The following AFG1L variants were observed in gnomAD, a reference collection of about 807,000 sequenced individuals.
AFG1L encodes the protein AFG1-like ATPase.
A neutral mutation model predicts 62.2 loss-of-function variants in AFG1L; 53 were observed. The observed-to-expected ratio is 0.85, with a 90% CI of 0.68 to 1.07. The LOEUF (loss-of-function observed/expected upper bound fraction) is 1.07. AFG1L is among the 50% of genes least tolerant of loss of function. The pLI is 0.00. For missense variants in AFG1L, 555 were observed against 590.5 expected, an observed-to-expected ratio of 0.94 and a Z score of 0.62; for synonymous variants, 228 against 210.3, an observed-to-expected ratio of 1.08 and a Z score of -0.73.
At chr6:108,337,737 G>A (rs1405950138) in intron 2 of AFG1L, among the ~76,000 whole-genome samples, 1 of 152,132 alleles carries the variant, frequency 6.6e-6, no homozygotes, top group African/African-American at 2.4e-5. Context: ...TATATTATGG[G>A]TAGTAACAAT....
intron 7 of AFG1L, among the ~76,000 whole-genome samples, chr6:108,405,610 G>T (rs1177290929): frequency 6.6e-6 from 1 of 152,192 alleles, no homozygotes; most frequent in Non-Finnish European, 1.5e-5. Flanking sequence ...ACCTCCCAAA[G>T]TGTTGGGATT....
rs532045202 is a variant in AFG1L, at chr6:108,324,361, G to A, written c.363+313G>A. 1.6e-4 allele frequency among the ~76,000 whole-genome samples: 25 copies of A among 152,332 alleles called. No individual in the cohort carries two copies. The South Asian group carries it at 3.5e-3, about 21-fold the overall frequency. ...TCCAGGGATCAGCAGTGGAAAAGGAGGAGTGATGTGTTCTTTCCCTTTTCT... is the reference window on the plus strand; with the variant it reads ...TCCAGGGATCAGCAGTGGAAAAGGAAGAGTGATGTGTTCTTTCCCTTTTCT... On this transcript the variant is annotated intron_variant, in intron 2 of 12. Transcript: ENST00000368977.
intron 7 of AFG1L, among the ~76,000 whole-genome samples, chr6:108,431,666 T>G (rs1771084002): frequency 1.4e-5 from 2 of 147,292 alleles, no homozygotes; most frequent in Non-Finnish European, 3.0e-5. Context: ...AATAGCACGA[T>G]CTCAGCTCAC....
At chr6:108,426,158 A>T (rs1204667757) in intron 7 of AFG1L, among the ~76,000 whole-genome samples, 1 of 152,160 alleles carries the variant, frequency 6.6e-6, no homozygotes, top group Non-Finnish European at 1.5e-5. Flanking sequence ...TGGTTATTCC[A>T]GAGTGGTAAT....
At chr6:108,366,393 A>AGT in intron 6 of AFG1L, 61 bp downstream of exon 6, 1 of 1,047,752 alleles carries the variant, frequency 9.5e-7, no homozygotes, top group Non-Finnish European at 1.4e-6. Context: ...GCTTTTAAAA[A>AGT]TCCATAATTT....
chr6:108,438,771 A>G (rs939081252), intron 7 of AFG1L, among the ~76,000 whole-genome samples: 1 of 152,222 alleles, frequency 6.6e-6, no homozygotes, highest in African/African-American at 2.4e-5. Flanking sequence ...ACTGCTTGAT[A>G]AAAAGAAGGG....
At chr6:108,381,998 T>C (rs1047007517) in intron 6 of AFG1L, among the ~76,000 whole-genome samples, 2 of 106,524 alleles carry the variant, frequency 1.9e-5, no homozygotes, top group African/African-American at 1.0e-4. Flanking sequence ...TTATTCACTG[T>C]TTTTTTTTTT....
chr6:108,313,046 C>T (rs536321649), intron 1 of AFG1L, among the ~76,000 whole-genome samples: 3 of 152,284 alleles, frequency 2.0e-5, no homozygotes, highest in Admixed American at 6.5e-5. Context: ...TGAAGAGTAT[C>T]GGGGAAGACT....
chr6:108,411,773 AC>A (rs1355240892), intron 7 of AFG1L, among the ~76,000 whole-genome samples: 9 of 152,326 alleles, frequency 5.9e-5, no homozygotes, highest in East Asian at 5.8e-4. Context: ...ATCATCAAAG[AC>A]CAAAGGTAGA....
intron 11 of AFG1L, among the ~76,000 whole-genome samples, chr6:108,513,748 CA>C (rs1296987977): frequency 1.3e-5 from 2 of 152,218 alleles, no homozygotes; most frequent in African/African-American, 4.8e-5. Context: ...TCCTGTCTAA[CA>C]GCTTTGAAGA....
chr6:108,491,590 A>G (rs1773781648), intron 10 of AFG1L, among the ~76,000 whole-genome samples: 1 of 152,230 alleles, frequency 6.6e-6, no homozygotes. Flanking sequence ...GAGATTGAAT[A>G]GATGCATGTT....
intron 7 of AFG1L, among the ~76,000 whole-genome samples, chr6:108,441,855 C>T (rs1171665290): frequency 6.6e-6 from 1 of 151,782 alleles, no homozygotes; most frequent in African/African-American, 2.4e-5. Flanking sequence ...GCAATCATTT[C>T]GTAGGTCTTA....
At chr6:108,447,623 T>C (rs1771870937) in intron 8 of AFG1L, among the ~76,000 whole-genome samples, 1 of 152,192 alleles carries the variant, frequency 6.6e-6, no homozygotes, top group Non-Finnish European at 1.5e-5. Context: ...TATTTGTGGA[T>C]ATCATCTGAC....
chr6:108,396,644 C>G (rs1781323636), intron 6 of AFG1L, among the ~76,000 whole-genome samples: 1 of 152,022 alleles, frequency 6.6e-6, no homozygotes, highest in Non-Finnish European at 1.5e-5. Context: ...GTACTCGCCA[C>G]CACCCCCAGC....
At chr6:108,470,676 T>A (rs1396334701) in intron 8 of AFG1L, among the ~76,000 whole-genome samples, 1 of 152,230 alleles carries the variant, frequency 6.6e-6, no homozygotes, top group African/African-American at 2.4e-5. Context: ...GGAACAGTAT[T>A]ACAGTGATCA....
chr6:108,360,393 C>T (rs1582435902), intron 5 of AFG1L, among the ~76,000 whole-genome samples: 1 of 152,276 alleles, frequency 6.6e-6, no homozygotes, highest in East Asian at 1.9e-4. Context: ...CAAGACAATA[C>T]CAAATTGATT....
At chr6:108,511,777 G>A (rs1774660171) in intron 11 of AFG1L, among the ~76,000 whole-genome samples, 1 of 152,200 alleles carries the variant, frequency 6.6e-6, no homozygotes. Flanking sequence ...GGGAGGGAGA[G>A]GTGACAATTT....
rs760577109 is a variant in AFG1L at position 108,346,998 on chromosome 6, G to A, written c.374G>A (p.Arg125Lys). The stretch of plus-strand genomic sequence containing the variant: ...GTTCTTAATTTGCAGCTTTTTTCAA[G>A]GAGCAAACCTCCAAGGGGCCTGTAT... ...AEGLFSKLFS[R>K]SKPPRGLYVY... Residue 125 changes from arginine to lysine, a missense_variant, in exon 3 of 13, where the codon AGG becomes AAG. By Grantham distance (26) the Arg-to-Lys change is conservative. Transcript: ENST00000368977. The A allele has an allele frequency of 6.2e-7, 1 of 1,612,548 alleles. No individual in the cohort carries two copies. Among genetic ancestry groups the A allele is most frequent in the Non-Finnish European group, 8.5e-7 (1 of 1,178,994 alleles).
chr6:108,426,641 T>C (rs1463439246), intron 7 of AFG1L, among the ~76,000 whole-genome samples: 5 of 152,180 alleles, frequency 3.3e-5, no homozygotes, highest in African/African-American at 1.2e-4. Context: ...GGATGTGATT[T>C]CCATAAGACA....
Sources: allele counts gnomAD v4.1 joint callset (sites outside exome capture counted in the v4.1 genomes callset), GRCh38; gene constraint gnomAD v4.1.1; transcripts MANE v1.5; gene names NCBI Gene and HGNC (gene_info 2026-07-23, HGNC 2026-07-21).